PWP1: variants seen among roughly 807,000 people sequenced by gnomAD.
PWP1 encodes PWP1 homolog, endonuclein.
In PWP1, 47 loss-of-function variants were observed where a neutral mutation model predicts 69.9. That is an observed-to-expected ratio of 0.67 (90% CI 0.53 to 0.86). The LOEUF (loss-of-function observed/expected upper bound fraction) is 0.86. PWP1 is among the 40% of genes least tolerant of loss of function. The pLI is 0.00. For synonymous variants in PWP1, 222 were observed against 208.2 expected, an observed-to-expected ratio of 1.07 and a Z score of -0.57; for missense variants, 551 against 608.8, an observed-to-expected ratio of 0.91 and a Z score of 1.00.
Position 107,688,637 on chromosome 12 carries a change from G to C in PWP1, c.154G>C (p.Glu52Gln). Residue 52 changes from glutamate (E) to glutamine (Q), a missense_variant, in exon 3 of 15, where the codon GAA becomes CAA. Physicochemically the swap from Glu to Gln is conservative, Grantham distance 29. Transcript: ENST00000412830. The stretch of plus-strand genomic sequence containing the variant: ...TAGAGAAGAAGGTGGTGGCAGTGAT[G>C]AAGAGGAGACAGGCAGTCCTTCAGA... ...KLQEEGGGSD[E>Q]EETGSPSEDG... 6.2e-7 allele frequency: 1 copy of C among 1,614,138 alleles called. No individual in the cohort carries two copies. The highest frequency in any genetic ancestry group is 8.5e-7 in the Non-Finnish European group (1 of 1,179,956).
intron 7 of PWP1, among the ~76,000 whole-genome samples, chr12:107,698,392 AG>A (rs1889635519): frequency 6.6e-6 from 1 of 151,980 alleles, no homozygotes. Flanking sequence ...CAGTCATAGT[AG>A]CTCACGCCTA....
chr12:107,685,874 C>A lies in PWP1; in HGVS notation c.-26C>A. The A allele has an allele frequency of 1.9e-6, 3 of 1,613,050 alleles. No individual in the cohort carries two copies. Among genetic ancestry groups the A allele is most frequent in the Non-Finnish European group, 2.5e-6 (3 of 1,179,408 alleles). ...CCTCCCTATGCAGCCTGGTTTCTAG[C>A]GTGACACGCCCTTGACTTGAGGACC... On this transcript the variant is annotated 5_prime_UTR_variant, in exon 1 of 15. Coordinates refer to ENST00000412830, the MANE Select transcript of PWP1 (RefSeq NM_007062.3).
intron 11 of PWP1, among the ~76,000 whole-genome samples, chr12:107,708,478 C>T (rs1775535702): frequency 1.3e-5 from 2 of 152,138 alleles, no homozygotes; most frequent in East Asian, 1.9e-4. Flanking sequence ...GCCTTTCATT[C>T]CTAAGTTCCT....
chr12:107,694,017 C>T (rs58377157), intron 5 of PWP1, among the ~76,000 whole-genome samples: 95 of 152,214 alleles, frequency 6.2e-4, no homozygotes, highest in African/African-American at 1.5e-3. Context: ...AAGCCAGAAG[C>T]GGATGCTTTG....
chr12:107,702,298 T>C (rs1023963661), intron 8 of PWP1, among the ~76,000 whole-genome samples: 29 of 152,178 alleles, frequency 1.9e-4, no homozygotes, highest in Non-Finnish European at 4.1e-4. Context: ...TGTTTTGTTT[T>C]GAGACAGAGT....
At chr12:107,708,871 C>A (rs1889881362) in intron 11 of PWP1, 55 bp from the exon 12 acceptor site, 3 of 1,473,994 alleles carry the variant, frequency 2.0e-6, no homozygotes, top group African/African-American at 1.4e-5. Context: ...GACTTTTTAC[C>A]CATTGTTAGA....
chr12:107,711,623 G>C (rs543164338), intron 14 of PWP1, among the ~76,000 whole-genome samples: 7 of 152,202 alleles, frequency 4.6e-5, no homozygotes, highest in African/African-American at 1.7e-4. Flanking sequence ...ATTACTTTGA[G>C]GTAGTCTGGT....
In PWP1 at chr12:107,697,525, A is replaced by T; in HGVS notation, c.672A>T (p.Ile224=). The T allele has an allele frequency of 6.2e-7, 1 of 1,609,870 alleles. No individual in the cohort carries two copies. The highest frequency in any genetic ancestry group is 8.5e-7 in the Non-Finnish European group (1 of 1,178,530). Residue 224 remains isoleucine, a synonymous_variant, in exon 7 of 15, where the codon ATA becomes ATT. Coordinates refer to ENST00000412830, the MANE Select transcript of PWP1 (RefSeq NM_007062.3). ...TTATTGAAGTGTGGGACCTTGATAT[A>T]GTGGACTCTTTAGAGCCAGTCTTCA... ...TPVIEVWDLD[I]VDSLEPVFTL...
chr12:107,697,249 C>T (rs1222759033), intron 6 of PWP1, among the ~76,000 whole-genome samples: 1 of 152,180 alleles, frequency 6.6e-6, no homozygotes, highest in Non-Finnish European at 1.5e-5. Context: ...CCAGCAGCAG[C>T]ACAGCATGGT....
chr12:107,696,627 T>C (rs568480332), intron 6 of PWP1, 43 bp downstream of exon 6: 60 of 1,610,580 alleles, frequency 3.7e-5, no homozygotes, highest in South Asian at 2.0e-4. Flanking sequence ...TCCAGTCTTA[T>C]GTATTTTCTC....
At chr12:107,695,784 G>T (rs998270159) in intron 5 of PWP1, among the ~76,000 whole-genome samples, 1 of 151,958 alleles carries the variant, frequency 6.6e-6, no homozygotes, top group African/African-American at 2.4e-5. Flanking sequence ...TTTTTGGTTT[G>T]TTCTTTTTGA....
intron 1 of PWP1, among the ~76,000 whole-genome samples, chr12:107,687,147 A>T (rs1889386828): frequency 6.6e-6 from 1 of 152,194 alleles, no homozygotes; most frequent in Non-Finnish European, 1.5e-5. Flanking sequence ...ATTGGCTTGG[A>T]CATGGAGTTA....
chr12:107,696,383 G>C (rs961909183), intron 5 of PWP1, 91 bp from the exon 6 acceptor site: 1 of 1,517,588 alleles, frequency 6.6e-7, no homozygotes, highest in South Asian at 1.3e-5. Flanking sequence ...CATGGCTCAC[G>C]TACATTTAAT....
rs75924648 is a variant in PWP1 at position 107,686,486 on chromosome 12, T to A, written c.72+515T>A. On this transcript the variant is annotated intron_variant, in intron 1 of 14. Transcript: ENST00000412830. The stretch of plus-strand genomic sequence containing the variant: ...ATGAATAGGGAATTTCTTGCAGTAA[T>A]CCAAGTGAGATGTTGATGGTAGCAG... Among the ~76,000 whole-genome samples the A allele has an allele frequency of 4.9e-3, 751 of 152,280 alleles. 27 individuals are homozygous for A. In the East Asian group the frequency reaches 0.084, roughly 17 times the overall value.
chr12:107,702,895 CT>C (rs770546499), intron 8 of PWP1, 39 bp from the exon 9 acceptor site: 2 of 1,309,066 alleles, frequency 1.5e-6, no homozygotes, highest in Non-Finnish European at 2.2e-6. Flanking sequence ...ATGCTCTTGA[CT>C]TTTAAAAGAT....
At position 107,698,949 on chromosome 12, in the gene PWP1, T is replaced by C. The variant is rs142789452; in HGVS notation, c.745-424T>C. Among the ~76,000 whole-genome samples the C allele has an allele frequency of 8.3e-4, 126 of 152,262 alleles. 1 individual carries two copies. The highest frequency in any genetic ancestry group is 3.0e-3 in the African/African-American group (124 of 41,554). Reference sequence around the variant, plus strand: ...GGGAGACAAGGTTTTATTTATTTTATTCTTCAAAAGTTTATATAATATCAA... The same window carrying C: ...GGGAGACAAGGTTTTATTTATTTTACTCTTCAAAAGTTTATATAATATCAA... On this transcript the variant is annotated intron_variant, in intron 7 of 14. Coordinates refer to ENST00000412830, the MANE Select transcript of PWP1 (RefSeq NM_007062.3).
Position 107,704,644 on chromosome 12 carries a change from C to CTTTGTT in PWP1, c.979_980insTTTTGT (p.Leu326_Tyr327insPheLeu), listed in dbSNP as rs1163520817. On this transcript the variant is annotated inframe_insertion, in exon 11 of 15. Transcript: ENST00000412830. Reference sequence around the variant, plus strand: ...TGCCTGAATGTGTCTAGGTCAGTGGCTTTGTATGACTGCCGAAGTCCAGAT... The same window carrying CTTTGTT: ...TGCCTGAATGTGTCTAGGTCAGTGGCTTTGTTTTTGTATGACTGCCGAAGTCCAGAT... 6.2e-7 allele frequency: 1 copy of CTTTGTT among 1,613,660 alleles called. No individual in the cohort carries two copies. Among genetic ancestry groups the CTTTGTT allele is most frequent in the Non-Finnish European group, 8.5e-7 (1 of 1,179,804 alleles).
rs1889924756 is a variant in PWP1, at chr12:107,710,396, T to C, written c.1291-9T>C. ...GATTGAAATCACCATCTTCCTGTTCTCTCTCTAGGGAGTTCTCTTCTGTTC... is the reference window on the plus strand; with the variant it reads ...GATTGAAATCACCATCTTCCTGTTCCCTCTCTAGGGAGTTCTCTTCTGTTC... On this transcript the variant is annotated splice_polypyrimidine_tract_variant and intron_variant, in intron 13 of 14. Transcript: ENST00000412830. 1.9e-6 allele frequency: 3 copies of C among 1,612,504 alleles called. No homozygotes were observed. Among genetic ancestry groups the C allele is most frequent in the Admixed American group, 3.3e-5 (2 of 59,732 alleles).
Position 107,699,415 on chromosome 12 carries a change from T to C in PWP1, c.787T>C (p.Ser263Pro), listed in dbSNP as rs1199809582. 5 of 1,612,878 alleles carry C rather than the reference T, an allele frequency of 3.1e-6. No homozygotes were observed. The highest frequency in any genetic ancestry group is 4.2e-6 in the Non-Finnish European group (5 of 1,179,014). ...EGHTDAVLDL[S>P]WNKLIRNVLA... ...GCATACCGATGCTGTCCTTGACCTT[T>C]CATGGAATAAGCTAATCAGGTAAAA... Residue 263 changes from serine to proline, a missense_variant, in exon 8 of 15, where the codon TCA becomes CCA. Physicochemically the swap from Ser to Pro is moderately conservative, Grantham distance 74. Transcript: ENST00000412830.
Sources: allele counts gnomAD v4.1 joint callset (sites outside exome capture counted in the v4.1 genomes callset), GRCh38; gene constraint gnomAD v4.1.1; transcripts MANE v1.5; gene names NCBI Gene and HGNC (gene_info 2026-07-23, HGNC 2026-07-21).